Variants in PRORP observed in about 807,000 individuals in gnomAD.
PRORP encodes the protein protein only RNase P catalytic subunit, also known as mitochondrial ribonuclease P catalytic subunit.
Under a neutral mutation model 59.4 loss-of-function variants are expected in PRORP, and 51 were observed. The ratio of observed to expected loss-of-function variants is 0.86; its 90% CI spans 0.69 to 1.08. The LOEUF (loss-of-function observed/expected upper bound fraction) is 1.08, where lower values mean the gene tolerates loss of function less well. Among genes scored for constraint, PRORP ranks in the 50% least tolerant of loss-of-function variants. PRORP has a pLI of 0.00. For synonymous variants in PRORP, 231 were observed against 245.6 expected, an observed-to-expected ratio of 0.94 and a Z score of 0.55; for missense variants, 646 against 690.3, an observed-to-expected ratio of 0.94 and a Z score of 0.72.
intron 5 of PRORP, among the ~76,000 whole-genome samples, chr14:35,232,374 G>A (rs555893060): frequency 6.0e-5 from 9 of 150,468 alleles, no homozygotes; most frequent in Non-Finnish European, 1.2e-4. Context: ...CCTAGCTAAT[G>A]TAAAAAAAAA....
At chr14:35,271,156 C>CTTTTTTTT (rs762721923) in intron 7 of PRORP, among the ~76,000 whole-genome samples, 1 of 114,562 alleles carries the variant, frequency 8.7e-6, no homozygotes, top group Non-Finnish European at 1.8e-5. Flanking sequence ...ATTATGACTT[C>CTTTTTTTT]TTTTTTTTTT....
intron 5 of PRORP, among the ~76,000 whole-genome samples, chr14:35,238,511 A>G (rs993247583): frequency 3.9e-5 from 6 of 152,210 alleles, no homozygotes; most frequent in South Asian, 2.1e-4. Flanking sequence ...CAAAAGACCT[A>G]ATGACATCTT....
chr14:35,126,671 G>T (rs757029133), intron 2 of PRORP, 64 bp from the exon 3 acceptor site: 1 of 1,242,000 alleles, frequency 8.1e-7, no homozygotes, highest in East Asian at 2.4e-5. Context: ...CAAATACCAT[G>T]AATATCTTTC....
At chr14:35,128,906 CGCA>C (rs2047163159) in intron 4 of PRORP, among the ~76,000 whole-genome samples, 1 of 151,820 alleles carries the variant, frequency 6.6e-6, no homozygotes, top group African/African-American at 2.4e-5. Context: ...TTCTTTAAGA[CGCA>C]TATTTGGCCG....
At chr14:35,208,267 G>A (rs899862758) in intron 5 of PRORP, among the ~76,000 whole-genome samples, 11 of 151,884 alleles carry the variant, frequency 7.2e-5, no homozygotes, top group African/African-American at 2.4e-4. Context: ...TTCTAGATTA[G>A]CACCAATAGA....
chr14:35,194,797 C>T (rs1042095378), intron 5 of PRORP, among the ~76,000 whole-genome samples: 2 of 152,054 alleles, frequency 1.3e-5, no homozygotes, highest in Non-Finnish European at 2.9e-5. Flanking sequence ...AAGTAGCATC[C>T]AATATATAAT....
intron 4 of PRORP, among the ~76,000 whole-genome samples, chr14:35,137,513 A>G (rs1449808322): frequency 6.9e-6 from 1 of 144,800 alleles, no homozygotes; most frequent in African/African-American, 2.4e-5. Flanking sequence ...ATGAGAGTCA[A>G]GTAGAGTACT....
intron 4 of PRORP, among the ~76,000 whole-genome samples, chr14:35,172,453 C>CTTCCTTCCTTCCTTCT: frequency 8.6e-4 from 40 of 46,758 alleles, no homozygotes; most frequent in African/African-American, 2.3e-3. Context: ...TCCTTCCTTC[C>CTTCCTTCCTTCCTTCT]TTCTTTCTTT....
At chr14:35,161,889 A>G (rs1006052779) in intron 4 of PRORP, among the ~76,000 whole-genome samples, 2 of 152,160 alleles carry the variant, frequency 1.3e-5, no homozygotes, top group African/African-American at 2.4e-5. Context: ...ATACTTGGAA[A>G]TGATACCTAA....
chr14:35,165,667 G>A (rs2048165550), intron 4 of PRORP, among the ~76,000 whole-genome samples: 1 of 151,328 alleles, frequency 6.6e-6, no homozygotes, highest in African/African-American at 2.4e-5. Flanking sequence ...CTCATGTCAT[G>A]TGCCCTTTAA....
At chr14:35,138,133 A>G (rs909813623) in intron 4 of PRORP, among the ~76,000 whole-genome samples, 3 of 145,642 alleles carry the variant, frequency 2.1e-5, no homozygotes, top group South Asian at 2.2e-4. Context: ...TTCTTGTGGT[A>G]TCTTCACATG....
intron 5 of PRORP, among the ~76,000 whole-genome samples, chr14:35,221,948 G>C (rs777463996): frequency 6.6e-6 from 1 of 152,068 alleles, no homozygotes; most frequent in Admixed American, 6.6e-5. Context: ...GAATTCATCG[G>C]AAGTAACTAT....
At chr14:35,182,373 G>A (rs989257908) in intron 5 of PRORP, among the ~76,000 whole-genome samples, 3 of 152,048 alleles carry the variant, frequency 2.0e-5, no homozygotes, top group African/African-American at 4.8e-5. Context: ...GACTGGGCAC[G>A]GTGGCTCACG....
chr14:35,234,131 A>T (rs930743703), intron 5 of PRORP, among the ~76,000 whole-genome samples: 1 of 152,222 alleles, frequency 6.6e-6, no homozygotes, highest in Admixed American at 6.5e-5. Context: ...GTGCTCGAAG[A>T]GAGTAATTCT....
chr14:35,268,342 C>CAAAAAAA (rs769701565), intron 6 of PRORP, among the ~76,000 whole-genome samples: 1 of 50,850 alleles, frequency 2.0e-5, no homozygotes, highest in African/African-American at 7.1e-5. Flanking sequence ...GAGACTGTCT[C>CAAAAAAA]AAAAAAAAAA....
At chr14:35,268,342 C>CAA (rs769701565) in intron 6 of PRORP, among the ~76,000 whole-genome samples, 8,139 of 50,068 alleles carry the variant, frequency 0.16, 879 homozygotes, top group African/African-American at 0.35. Flanking sequence ...GAGACTGTCT[C>CAA]AAAAAAAAAA....
intron 4 of PRORP, among the ~76,000 whole-genome samples, chr14:35,169,690 C>T (rs1595231326): frequency 8.6e-6 from 1 of 116,724 alleles, no homozygotes; most frequent in Admixed American, 7.9e-5. Flanking sequence ...ACCAGGTCTT[C>T]CCTTCAACAC....
intron 4 of PRORP, 64 bp from the exon 5 acceptor site, chr14:35,180,606 G>A: frequency 1.1e-6 from 1 of 891,972 alleles, no homozygotes; most frequent in Non-Finnish European, 1.8e-6. Flanking sequence ...GGTCACTGCA[G>A]TGTGTTTATA....
chr14:35,156,689 T>C (rs1043165714), intron 4 of PRORP, among the ~76,000 whole-genome samples: 2 of 152,210 alleles, frequency 1.3e-5, no homozygotes, highest in Non-Finnish European at 1.5e-5. Context: ...GTATAAATGC[T>C]TATCTTGATT....
Sources: gnomAD v4.1 joint callset for allele counts (sites outside exome capture counted in the v4.1 genomes callset) on GRCh38, gnomAD v4.1.1 for gene constraint, MANE v1.5 for transcripts, NCBI Gene and HGNC (gene_info 2026-07-23, HGNC 2026-07-21) for gene names.